The following KCNMB2 variants were observed in gnomAD, a reference collection of about 807,000 sequenced individuals.
The protein encoded by KCNMB2 is potassium calcium-activated channel subfamily M regulatory beta subunit 2.
KCNMB2 carries 9 observed loss-of-function variants against 24.5 expected under a neutral mutation model. The observed-to-expected ratio is 0.37, with a 90% confidence interval of 0.22 to 0.64. The LOEUF is 0.64. Among genes scored for constraint, KCNMB2 ranks in the 30% least tolerant of loss-of-function variants. The probability of loss-of-function intolerance (pLI) is 0.63; values close to 1 mark genes in which losing one functional copy is unlikely to be tolerated. For synonymous variants in KCNMB2, 109 were observed against 104.4 expected (o/e 1.04, Z -0.27); for missense variants, 226 against 284.3 (o/e 0.79, Z 1.47).
chr3:178,727,403 C>A (rs1021843590), intron 1 of KCNMB2, among the ~76,000 whole-genome samples: 2 of 152,154 alleles, frequency 1.3e-5, no homozygotes, highest in Non-Finnish European at 2.9e-5. Context: ...CTAAAGATGT[C>A]TATGTCCTAA....
chr3:178,638,117 C>G (rs1389862083), intron 1 of KCNMB2, among the ~76,000 whole-genome samples: 1 of 152,112 alleles, frequency 6.6e-6, no homozygotes, highest in African/African-American at 2.4e-5. Flanking sequence ...TCCACAATAC[C>G]TAATTTGCGG....
chr3:178,655,473 T>C (rs1036490891), intron 1 of KCNMB2, among the ~76,000 whole-genome samples: 7 of 152,206 alleles, frequency 4.6e-5, no homozygotes, highest in Middle Eastern at 3.4e-3. Flanking sequence ...TGCTGAGAAA[T>C]GAAAAGAGAA....
intron 1 of KCNMB2, among the ~76,000 whole-genome samples, chr3:178,640,400 C>T (rs1043387178): frequency 1.3e-5 from 2 of 152,128 alleles, no homozygotes; most frequent in Non-Finnish European, 2.9e-5. Context: ...AAGTGCTACA[C>T]ACTTTTAAAC....
At chr3:178,816,613 T>C (rs187381113) in intron 2 of KCNMB2, among the ~76,000 whole-genome samples, 2 of 152,170 alleles carry the variant, frequency 1.3e-5, no homozygotes, top group Non-Finnish European at 2.9e-5. Context: ...TGAAACTATA[T>C]ATTTCTATCC....
intron 1 of KCNMB2, among the ~76,000 whole-genome samples, chr3:178,551,754 T>TAA (rs2108455338): frequency 6.6e-6 from 1 of 152,334 alleles, no homozygotes; most frequent in South Asian, 2.1e-4. Flanking sequence ...AGAAGAGTCC[T>TAA]AAAATCCCTA....
chr3:178,680,116 A>T (rs1721215686), intron 1 of KCNMB2, among the ~76,000 whole-genome samples: 1 of 152,116 alleles, frequency 6.6e-6, no homozygotes, highest in South Asian at 2.1e-4. Flanking sequence ...ATAAATTAGC[A>T]GCTGATTGTT....
intron 1 of KCNMB2, among the ~76,000 whole-genome samples, chr3:178,618,186 A>AAAAT (rs1490409382): frequency 6.6e-6 from 1 of 152,208 alleles, no homozygotes; most frequent in Non-Finnish European, 1.5e-5. Flanking sequence ...CATTATTACA[A>AAAAT]AAATAAATAA....
chr3:178,678,834 T>C (rs1034196387), intron 1 of KCNMB2, among the ~76,000 whole-genome samples: 3 of 152,214 alleles, frequency 2.0e-5, no homozygotes, highest in African/African-American at 7.2e-5. Context: ...GTCACTAGCA[T>C]GGTTATGGCT....
intron 1 of KCNMB2, among the ~76,000 whole-genome samples, chr3:178,549,347 G>A (rs1279108741): frequency 7.1e-6 from 1 of 139,892 alleles, no homozygotes; most frequent in Non-Finnish European, 1.5e-5. Context: ...GTCTCACTCT[G>A]TCATCCAGGC....
chr3:178,726,226 T>C (rs1722963925), intron 1 of KCNMB2, among the ~76,000 whole-genome samples: 1 of 151,964 alleles, frequency 6.6e-6, no homozygotes, highest in Admixed American at 6.6e-5. Context: ...ATCTTCCCCC[T>C]TTATCTTACA....
At chr3:178,782,689 T>TA (rs1432867085) in intron 1 of KCNMB2, among the ~76,000 whole-genome samples, 1 of 151,124 alleles carries the variant, frequency 6.6e-6, no homozygotes. Flanking sequence ...TTCTGGATAT[T>TA]AGCCCTTTGT....
chr3:178,714,674 CACTTGA>C (rs1722561948), intron 1 of KCNMB2, among the ~76,000 whole-genome samples: 1 of 152,194 alleles, frequency 6.6e-6, no homozygotes, highest in Admixed American at 6.5e-5. Flanking sequence ...CAAATGAAAG[CACTTGA>C]ACTTGTTCAC....
intron 1 of KCNMB2, among the ~76,000 whole-genome samples, chr3:178,794,887 T>C (rs1276602292): frequency 1.3e-5 from 2 of 152,112 alleles, no homozygotes; most frequent in African/African-American, 2.4e-5. Context: ...CCACATCTGC[T>C]TGCATCCATC....
chr3:178,694,911 C>T (rs1281139171), intron 1 of KCNMB2, among the ~76,000 whole-genome samples: 3 of 152,186 alleles, frequency 2.0e-5, no homozygotes, highest in Admixed American at 6.5e-5. Context: ...TCTCACAGCT[C>T]CACCAGGCAG....
Position 178,757,884 on chromosome 3 carries a change from C to CAT in KCNMB2, c.-67-49450_-67-49449dup, listed in dbSNP as rs1350220814. The stretch of plus-strand genomic sequence containing the variant: ...ATACATATATATATCCAAGAGGATA[C>CAT]ATATATATATCCAAGAGGATACATA... On this transcript the variant is annotated intron_variant, in intron 1 of 4. Transcript: ENST00000452583. Among the ~76,000 whole-genome samples, 3 of 50,640 alleles carry CAT rather than the reference C, an allele frequency of 5.9e-5. 1 individual carries two copies. Among genetic ancestry groups the CAT allele is most frequent in the Admixed American group, 4.4e-4 (2 of 4,592 alleles). 33.2% of individuals were successfully genotyped at this position (50,640 alleles called of 152,430 possible). A position where few individuals can be genotyped will look rare whatever the true frequency, so the allele number is the denominator to read the frequency against.
intron 4 of KCNMB2, among the ~76,000 whole-genome samples, chr3:178,840,452 G>A (rs886522607): frequency 6.6e-6 from 1 of 152,336 alleles, no homozygotes; most frequent in East Asian, 1.9e-4. Context: ...GGGATTCTGT[G>A]TGGGAACTCC....
At chr3:178,680,319 T>C (rs1303453873) in intron 1 of KCNMB2, among the ~76,000 whole-genome samples, 1 of 152,186 alleles carries the variant, frequency 6.6e-6, no homozygotes, top group Non-Finnish European at 1.5e-5. Context: ...CTTCAGGGCC[T>C]GTCCGGCTAG....
At chr3:178,777,729 CT>C (rs1325529847) in intron 1 of KCNMB2, among the ~76,000 whole-genome samples, 1 of 152,178 alleles carries the variant, frequency 6.6e-6, no homozygotes, top group Non-Finnish European at 1.5e-5. Flanking sequence ...AAAATGACTT[CT>C]AAGGGACTTA....
chr3:178,751,157 T>A (rs1171236721), intron 1 of KCNMB2, among the ~76,000 whole-genome samples: 1 of 152,240 alleles, frequency 6.6e-6, no homozygotes, highest in Non-Finnish European at 1.5e-5. Context: ...CTATTGATGT[T>A]ATGTTTCAGG....
Sources: gnomAD v4.1 joint callset for allele counts (sites outside exome capture counted in the v4.1 genomes callset) on GRCh38, gnomAD v4.1.1 for gene constraint, MANE v1.5 for transcripts, NCBI Gene and HGNC (gene_info 2026-07-23, HGNC 2026-07-21) for gene names.